The following MEGF10 variants were observed in gnomAD, a reference collection of about 807,000 sequenced individuals.
The protein encoded by MEGF10 is multiple epidermal growth factor-like domains protein 10.
In MEGF10, 86 loss-of-function variants were observed where a neutral mutation model predicts 147.5. That is an observed-to-expected ratio of 0.58 (90% CI 0.49 to 0.70). MEGF10 has a LOEUF of 0.70. Ranked by LOEUF, MEGF10 falls within the 30% of genes least tolerant of loss-of-function variation. The pLI, the probability that MEGF10 is intolerant of heterozygous loss-of-function variation, is 0.00. For synonymous variants in MEGF10, 478 were observed against 525.5 expected, an observed-to-expected ratio of 0.91 and a Z score of 1.24; for missense variants, 1,329 against 1,487.3, an observed-to-expected ratio of 0.89 and a Z score of 1.75.
chr5:127,326,368 C>G lies in MEGF10; in HGVS notation c.-18-4923C>G, dbSNP rs371888200. 6.6e-5 allele frequency among the ~76,000 whole-genome samples: 10 copies of G among 152,204 alleles called. 1 individual carries two copies. The highest frequency in any genetic ancestry group is 4.6e-4 in the Admixed American group (7 of 15,274). On this transcript the variant is annotated intron_variant, in intron 1 of 24. Coordinates refer to ENST00000503335, the MANE Select transcript of MEGF10 (RefSeq NM_001256545.2). Reference sequence around the variant, plus strand: ...CCCTCAAAACAAAGTAAATATAGCACTTGTACTGTTTGAAATGAATAGTCA... The same window carrying G: ...CCCTCAAAACAAAGTAAATATAGCAGTTGTACTGTTTGAAATGAATAGTCA...
chr5:127,241,423 T>A, the MEGF10 span, among the ~76,000 whole-genome samples: 13,419 of 152,154 alleles, frequency 0.088, 918 homozygotes, highest in African/African-American at 0.19. Context: ...CAGTAAGTTA[T>A]TCATTGATAT....
At chr5:127,334,278 C>T in intron 2 of MEGF10, among the ~76,000 whole-genome samples, 1 of 152,086 alleles carries the variant, frequency 6.6e-6, no homozygotes, top group African/African-American at 2.4e-5. Context: ...TACCCAATGG[C>T]TCAGAACCAT....
At chr5:127,361,724 G>A (rs555205416) in intron 4 of MEGF10, among the ~76,000 whole-genome samples, 21 of 152,002 alleles carry the variant, frequency 1.4e-4, no homozygotes, top group Middle Eastern at 6.8e-3. Context: ...TTGTGATTTT[G>A]TTTTCATTTA....
At chr5:127,392,934 T>C (rs1018326734) in intron 5 of MEGF10, among the ~76,000 whole-genome samples, 15 of 152,206 alleles carry the variant, frequency 9.9e-5, no homozygotes, top group Non-Finnish European at 2.2e-4. Flanking sequence ...AATCTGGGCA[T>C]CTTGCATCTG....
chr5:127,388,792 G>A (rs1359221732), intron 5 of MEGF10, among the ~76,000 whole-genome samples: 11 of 151,746 alleles, frequency 7.2e-5, no homozygotes, highest in South Asian at 6.2e-4. Context: ...TGATCCACCC[G>A]CCTCAGCCTC....
chr5:127,418,559 G>A (rs1247238244), intron 10 of MEGF10, among the ~76,000 whole-genome samples: 1 of 152,168 alleles, frequency 6.6e-6, no homozygotes, highest in Non-Finnish European at 1.5e-5. Context: ...TTTGTCTTAA[G>A]AGTCCCTTCT....
At chr5:127,291,476 A>G (rs1046687705) in intron 1 of MEGF10, among the ~76,000 whole-genome samples, 12 of 152,078 alleles carry the variant, frequency 7.9e-5, no homozygotes, top group Admixed American at 2.0e-4. Context: ...CCTTTCTGGG[A>G]TCTTCACTGT....
At chr5:127,308,338 G>A (rs1003543882) in intron 1 of MEGF10, among the ~76,000 whole-genome samples, 1 of 152,088 alleles carries the variant, frequency 6.6e-6, no homozygotes, top group African/African-American at 2.4e-5. Flanking sequence ...AGAACGTAAG[G>A]AACACAAACA....
intron 18 of MEGF10, among the ~76,000 whole-genome samples, chr5:127,442,398 C>T (rs572743118): frequency 3.9e-5 from 6 of 152,204 alleles, no homozygotes; most frequent in South Asian, 2.1e-4. Context: ...TTATTAAGAC[C>T]GCATAGTAAG....
Position 127,434,674 on chromosome 5 carries a change from C to T in MEGF10, c.1841-13C>T, listed in dbSNP as rs1765497296. On this transcript the variant is annotated splice_polypyrimidine_tract_variant and intron_variant, in intron 14 of 24. Transcript: ENST00000503335. ...CTCAGAAGGATAACTGCTGATTTCC[C>T]TTCTGTTTTCAGTCTGCTCCCCTGG... is the stretch of plus-strand genomic sequence containing the variant. 2 of 1,601,000 alleles carry T rather than the reference C, an allele frequency of 1.2e-6. No individual in the cohort carries two copies. The highest frequency in any genetic ancestry group is 1.1e-5 in the South Asian group (1 of 89,458).
chr5:127,426,536 A>G (rs776929906), intron 13 of MEGF10, among the ~76,000 whole-genome samples: 6 of 152,304 alleles, frequency 3.9e-5, no homozygotes, highest in East Asian at 1.9e-4. Flanking sequence ...GCTGTGTCCT[A>G]TGCTGCTTCT....
At chr5:127,259,502 C>T in the MEGF10 span, among the ~76,000 whole-genome samples, 1 of 152,154 alleles carries the variant, frequency 6.6e-6, no homozygotes, top group Non-Finnish European at 1.5e-5. Context: ...GACCTAGAAA[C>T]TATCTGGTTC....
chr5:127,451,899 A>T (rs1257281213), intron 22 of MEGF10, among the ~76,000 whole-genome samples: 2 of 152,234 alleles, frequency 1.3e-5, no homozygotes, highest in Non-Finnish European at 2.9e-5. Flanking sequence ...ATGATGGAAT[A>T]GTTGTCGTCA....
the MEGF10 span, among the ~76,000 whole-genome samples, chr5:127,232,432 A>G: frequency 6.6e-6 from 1 of 152,204 alleles, no homozygotes; most frequent in African/African-American, 2.4e-5. Flanking sequence ...GTGATCCCTG[A>G]GCATGATACA....
In MEGF10 at chr5:127,303,335, C is replaced by CAAAAAAAAAAAAAAAAAAAA. The variant is rs1174955274; in HGVS notation, c.-19+12280_-19+12299dup. On this transcript the variant is annotated intron_variant, in intron 1 of 24. Transcript: ENST00000503335. ...TGGACAACAGATCGAGACTCCATGT[C>CAAAAAAAAAAAAAAAAAAAA]AAAAAAAAAAAAAAAAAAAAGCAAT... 4.0e-5 allele frequency among the ~76,000 whole-genome samples: 2 copies of CAAAAAAAAAAAAAAAAAAAA among 50,630 alleles called. 1 individual carries two copies. The allele number at this position is 50,630 out of a possible 152,430, so 33.2% of individuals were successfully genotyped here. A position where few individuals can be genotyped will look rare whatever the true frequency, so the allele number is the denominator to read the frequency against.
intron 22 of MEGF10, among the ~76,000 whole-genome samples, chr5:127,450,822 G>C (rs182900491): frequency 2.6e-5 from 4 of 152,018 alleles, no homozygotes; most frequent in African/African-American, 9.7e-5. Context: ...GCAGTGGCGC[G>C]ATCTCGGCTC....
At chr5:127,424,450 C>A in intron 13 of MEGF10, 1 of 1,176,046 alleles carries the variant, frequency 8.5e-7, no homozygotes, top group Non-Finnish European at 1.2e-6. Flanking sequence ...ATCTATAGAT[C>A]AATTTGGGGA....
the MEGF10 span, among the ~76,000 whole-genome samples, chr5:127,271,240 G>A: frequency 0.55 from 83,675 of 151,918 alleles, 23,446 homozygotes; most frequent in Middle Eastern, 0.71. Flanking sequence ...TGACTTTTTA[G>A]TAATAACCAT....
intron 4 of MEGF10, among the ~76,000 whole-genome samples, chr5:127,357,587 C>CT (rs1762322328): frequency 1.2e-5 from 1 of 84,324 alleles, no homozygotes; most frequent in Non-Finnish European, 2.2e-5. Flanking sequence ...GACCCTGCCT[C>CT]AAAATAAATA....
Sources: gnomAD v4.1 joint callset for allele counts (sites outside exome capture counted in the v4.1 genomes callset) on GRCh38, gnomAD v4.1.1 for gene constraint, MANE v1.5 for transcripts, NCBI Gene and HGNC (gene_info 2026-07-23, HGNC 2026-07-21) for gene names.